VPS13D: variants seen among roughly 807,000 people sequenced by gnomAD.
VPS13D encodes the protein intermembrane lipid transfer protein VPS13D.
VPS13D carries 187 observed loss-of-function variants against 461.9 expected under a neutral mutation model. That is an observed-to-expected ratio of 0.40 (90% CI 0.36 to 0.46). The LOEUF (loss-of-function observed/expected upper bound fraction) is 0.46. Among genes scored for constraint, VPS13D ranks in the 20% least tolerant of loss-of-function variants. VPS13D has a pLI of 0.60. For missense variants in VPS13D, 4,711 were observed against 5,364.9 expected, an observed-to-expected ratio of 0.88 and a Z score of 3.81; for synonymous variants, 1,951 against 1,986.3, an observed-to-expected ratio of 0.98 and a Z score of 0.47.
intron 13 of VPS13D, among the ~76,000 whole-genome samples, chr1:12,263,211 T>C (rs1049293583): frequency 3.3e-5 from 5 of 152,136 alleles, no homozygotes; most frequent in African/African-American, 1.2e-4. Context: ...GTTTTAGCAC[T>C]AGGGGCTTGT....
At chr1:12,251,704 A>C (rs1393422824) in intron 6 of VPS13D, among the ~76,000 whole-genome samples, 1 of 152,102 alleles carries the variant, frequency 6.6e-6, no homozygotes. Flanking sequence ...CACTGTCACC[A>C]GACTTCTTTT....
Position 12,480,526 on chromosome 1 carries a change from A to G in VPS13D, c.12663-16974A>G, listed in dbSNP as rs1035644374. Among the ~76,000 whole-genome samples the G allele has an allele frequency of 4.6e-5, 7 of 152,208 alleles. No individual in the cohort carries two copies. The East Asian group carries it at 7.7e-4, about 17-fold the overall frequency. On this transcript the variant is annotated intron_variant, in intron 67 of 69. Coordinates refer to ENST00000620676, the MANE Select transcript of VPS13D (RefSeq NM_015378.4). ...ATTGGCTCTGGTAGTGAGTCCCAGG[A>G]TGGAGCTAACTTACGATCTGGACTC... is the stretch of plus-strand genomic sequence containing the variant.
chr1:12,376,309 A>G (rs1170718215), intron 55 of VPS13D, among the ~76,000 whole-genome samples: 2 of 152,202 alleles, frequency 1.3e-5, no homozygotes, highest in Non-Finnish European at 2.9e-5. Flanking sequence ...TGGCTTTGCC[A>G]CTTAAAGATA....
At chr1:12,402,497 T>G (rs765795754) in intron 62 of VPS13D, 7 of 152,232 alleles carry the variant, frequency 4.6e-5, no homozygotes, top group Non-Finnish European at 1.0e-4. Flanking sequence ...AAAAAATCAC[T>G]GGGAATGTGT....
chr1:12,244,706 G>C, intron 5 of VPS13D, 89 bp downstream of exon 5: 2 of 1,279,828 alleles, frequency 1.6e-6, no homozygotes, highest in Non-Finnish European at 2.2e-6. Context: ...CTCATTTCTC[G>C]TGGGCTCAGC....
intron 47 of VPS13D, 128 bp downstream of exon 47, chr1:12,354,349 A>C: frequency 8.2e-7 from 1 of 1,215,978 alleles, no homozygotes; most frequent in Non-Finnish European, 1.1e-6. Context: ...AAGCCAGCTC[A>C]AAGGAATCAG....
intron 6 of VPS13D, among the ~76,000 whole-genome samples, chr1:12,250,242 C>G (rs1309279107): frequency 6.6e-6 from 1 of 151,760 alleles, no homozygotes; most frequent in African/African-American, 2.4e-5. Flanking sequence ...CCCCATCACC[C>G]AGAGGTCAGT....
intron 8 of VPS13D, 86 bp from the exon 9 acceptor site, chr1:12,256,901 G>A: frequency 1.4e-6 from 2 of 1,409,758 alleles, no homozygotes; most frequent in South Asian, 2.5e-5. Flanking sequence ...CAACTAATGT[G>A]AATTGTTCTT....
intron 65 of VPS13D, among the ~76,000 whole-genome samples, chr1:12,421,876 A>G (rs1354744494): frequency 6.6e-6 from 1 of 152,094 alleles, no homozygotes; most frequent in Non-Finnish European, 1.5e-5. Flanking sequence ...GCTGGAGTGC[A>G]GTGGTGCAAT....
At chr1:12,259,551 G>A (rs928025871) in intron 10 of VPS13D, among the ~76,000 whole-genome samples, 1 of 152,038 alleles carries the variant, frequency 6.6e-6, no homozygotes, top group Non-Finnish European at 1.5e-5. Flanking sequence ...CAATTTGCCC[G>A]CTTTGGCCTC....
chr1:12,270,934 A>G, intron 16 of VPS13D, 60 bp from the exon 17 acceptor site: 1 of 1,590,452 alleles, frequency 6.3e-7, no homozygotes. Context: ...TTGATGTAGC[A>G]CTTTTGTTCA....
chr1:12,440,387 A>G (rs1645115047), intron 65 of VPS13D, among the ~76,000 whole-genome samples: 2 of 152,244 alleles, frequency 1.3e-5, no homozygotes, highest in African/African-American at 4.8e-5. Context: ...CTGGAGCAGC[A>G]GCTTGAATGC....
chr1:12,311,671 G>A (rs1642754662), intron 28 of VPS13D, 46 bp downstream of exon 28: 1 of 1,607,330 alleles, frequency 6.2e-7, no homozygotes, highest in Non-Finnish European at 8.5e-7. Flanking sequence ...AGTCTCAGCT[G>A]ACGGTCACCC....
intron 32 of VPS13D, 103 bp from the exon 33 acceptor site, chr1:12,321,706 A>G (rs1203494710): frequency 2.3e-6 from 3 of 1,289,438 alleles, no homozygotes; most frequent in East Asian, 4.9e-5. Flanking sequence ...GGGTCTTATG[A>G]TAACACATGG....
At chr1:12,258,225 T>C in intron 10 of VPS13D, 122 bp downstream of exon 10, 4 of 1,230,732 alleles carry the variant, frequency 3.3e-6, no homozygotes, top group South Asian at 1.5e-5. Flanking sequence ...CTAAATTTTA[T>C]AGGATAGAGT....
chr1:12,419,560 G>A (rs537010731), intron 65 of VPS13D, among the ~76,000 whole-genome samples: 60 of 152,272 alleles, frequency 3.9e-4, no homozygotes, highest in African/African-American at 1.4e-3. Flanking sequence ...TGTCTCACAT[G>A]GCAGGAGTGG....
intron 6 of VPS13D, among the ~76,000 whole-genome samples, chr1:12,250,579 A>T (rs868477176): frequency 6.6e-6 from 1 of 152,230 alleles, no homozygotes; most frequent in Non-Finnish European, 1.5e-5. Flanking sequence ...ACTGAATGTA[A>T]AAACCAACAA....
In VPS13D at chr1:12,277,973, C is replaced by T; in HGVS notation, c.4385C>T (p.Ala1462Val). The stretch of plus-strand genomic sequence containing the variant: ...TGCCCACCTTCCGGGTCTGGCAGTG[C>T]CAACAGTCAGGAGGAAGCTCATTTC... Reference protein sequence around the residue: ...MFCPPSGSGSANSQEEAHFTR... With the variant: ...MFCPPSGSGSVNSQEEAHFTR... Residue 1462 changes from alanine (A) to valine (V), a missense_variant, in exon 19 of 70, where the codon GCC becomes GTC. Ala to Val is a moderately conservative substitution (Grantham distance 64). This residue lies in a region of VPS13D where 4,411 missense variants were observed against 4,937.8 expected (regional missense o/e 0.89). Coordinates refer to ENST00000620676, the MANE Select transcript of VPS13D (RefSeq NM_015378.4). 2 of 1,614,158 alleles carry T rather than the reference C, an allele frequency of 1.2e-6. No individual in the cohort carries two copies. The highest frequency in any genetic ancestry group is 1.6e-4 in the Middle Eastern group (1 of 6,062).
At chr1:12,259,310 A>G (rs1279657512) in intron 10 of VPS13D, among the ~76,000 whole-genome samples, 1 of 142,046 alleles carries the variant, frequency 7.0e-6, no homozygotes, top group African/African-American at 2.7e-5. Context: ...CCCCCAGCCT[A>G]CTCTTTTTAT....
Sources: allele counts gnomAD v4.1 joint callset (sites outside exome capture counted in the v4.1 genomes callset), GRCh38; gene constraint gnomAD v4.1.1; regional missense constraint gnomAD v4.1.1; transcripts MANE v1.5; gene names NCBI Gene and HGNC (gene_info 2026-07-23, HGNC 2026-07-21).